The following NPHP1 variants were observed in gnomAD, a reference collection of about 807,000 sequenced individuals.
NPHP1 encodes the protein nephrocystin-1.
NPHP1 carries 70 observed loss-of-function variants against 90.4 expected under a neutral mutation model. The ratio of observed to expected loss-of-function variants is 0.77; its 90% CI spans 0.64 to 0.95. The LOEUF is 0.95. Among genes scored for constraint, NPHP1 ranks in the 40% least tolerant of loss-of-function variants. The pLI is 0.00. For synonymous variants in NPHP1, 256 were observed against 271.7 expected (o/e 0.94, Z 0.57); for missense variants, 764 against 795.9 (o/e 0.96, Z 0.48).
chr2:110,151,391 G>C (rs1188512554), intron 11 of NPHP1, among the ~76,000 whole-genome samples: 1 of 151,972 alleles, frequency 6.6e-6, no homozygotes, highest in East Asian at 1.9e-4. Context: ...AACACAAAGG[G>C]ATTTATGGAA....
rs770930106 is a variant in NPHP1 at position 110,169,850 on chromosome 2, C to T, written c.478G>A (p.Val160Ile). 1.2e-6 allele frequency: 2 copies of T among 1,613,754 alleles called. No homozygotes were observed. The highest frequency in any genetic ancestry group is 1.1e-5 in the South Asian group (1 of 91,064). ...KWSTGEEYIA[V>I]GDFTAQQVGD... ...ACTTGCTGAGCAGTAAAATCTCCAA[C>T]AGCGATGTATTCTTCACCGGTTGAC... The change falls in exon 5 of 20, where the codon GTT (valine) becomes ATT (isoleucine). Residue 160 changes from valine to isoleucine, a missense_variant. Physicochemically the swap from Val to Ile is conservative, Grantham distance 29. Transcript: ENST00000445609.
chr2:110,129,843 A>G (rs1262788716), intron 17 of NPHP1, among the ~76,000 whole-genome samples: 1 of 152,204 alleles, frequency 6.6e-6, no homozygotes, highest in Non-Finnish European at 1.5e-5. Context: ...ATAACAGCAC[A>G]TGAAAAATCT....
chr2:110,205,006 G>C lies in NPHP1; in HGVS notation c.-38C>G. On this transcript the variant is annotated 5_prime_UTR_variant, in exon 1 of 20. Transcript: ENST00000445609. ...GGTGCTCTGATTGCTCCAGTTGCCAGGGAAACCAACCGGCGGCGCCAGAAG... is the reference window on the plus strand; with the variant it reads ...GGTGCTCTGATTGCTCCAGTTGCCACGGAAACCAACCGGCGGCGCCAGAAG... The C allele has an allele frequency of 6.2e-7, 1 of 1,610,728 alleles. No homozygotes were observed. The highest frequency in any genetic ancestry group is 8.5e-7 in the Non-Finnish European group (1 of 1,177,592).
Position 110,125,658 on chromosome 2 carries a change from GCTTTCTTTTCCAGCC to G in NPHP1, c.1725_1739del (p.Trp575_Ser580delinsCys), listed in dbSNP as rs1160118893. On this transcript the variant is annotated inframe_deletion, in exon 19 of 20. Coordinates refer to ENST00000445609, the MANE Select transcript of NPHP1 (RefSeq NM_001128178.3). ...TTACCTTCTCTGATCTTTTTAATGT[GCTTTCTTTTCCAGCC>G]CACGAACTCTAAAGAGCAAACAGAA... 1 of 1,613,288 alleles carries G rather than the reference GCTTTCTTTTCCAGCC, an allele frequency of 6.2e-7. No individual in the cohort carries two copies. The highest frequency in any genetic ancestry group is 8.5e-7 in the Non-Finnish European group (1 of 1,179,466).
chr2:110,185,071 G>T (rs1003133049), intron 2 of NPHP1: 2 of 596,456 alleles, frequency 3.4e-6, no homozygotes, highest in Non-Finnish European at 6.6e-6. Context: ...TGTATTCCAC[G>T]TGGATTGAGG....
intron 1 of NPHP1, among the ~76,000 whole-genome samples, chr2:110,203,762 T>A (rs563247227): frequency 6.6e-6 from 1 of 152,180 alleles, no homozygotes; most frequent in South Asian, 2.1e-4. Flanking sequence ...TGCTATTTAC[T>A]TTTTTCTTAT....
intron 2 of NPHP1, among the ~76,000 whole-genome samples, chr2:110,193,751 T>C (rs1313849429): frequency 6.6e-6 from 1 of 152,072 alleles, no homozygotes; most frequent in African/African-American, 2.4e-5. Flanking sequence ...GACCACATAG[T>C]TGGAAGTAAA....
intron 19 of NPHP1, chr2:110,125,186 C>A: frequency 6.5e-7 from 1 of 1,530,946 alleles, no homozygotes; most frequent in South Asian, 1.2e-5. Context: ...AACCACGACT[C>A]ACCGATTAAA....
At chr2:110,188,782 T>C (rs1055420447) in intron 2 of NPHP1, among the ~76,000 whole-genome samples, 1 of 152,162 alleles carries the variant, frequency 6.6e-6, no homozygotes, top group Non-Finnish European at 1.5e-5. Flanking sequence ...AGCATGGTAC[T>C]GGTAAAAGAA....
chr2:110,144,129 A>G (rs1207114464), intron 15 of NPHP1: 3 of 327,980 alleles, frequency 9.1e-6, no homozygotes, highest in Non-Finnish European at 1.7e-5. Flanking sequence ...ATAGTAAAAG[A>G]TGCTCAATAT....
chr2:110,179,414 C>A (rs1263458940), intron 3 of NPHP1, among the ~76,000 whole-genome samples: 2 of 152,164 alleles, frequency 1.3e-5, no homozygotes, highest in Non-Finnish European at 2.9e-5. Flanking sequence ...TTCATCAAAG[C>A]TGAACATTTT....
Position 110,123,825 on chromosome 2 carries a change from T to G in NPHP1, c.2000A>C (p.Asp667Ala). The change falls in exon 20 of 20, where the codon GAC becomes GCC. Residue 667 changes from aspartate (D) to alanine (A), a missense_variant. Physicochemically the swap from Asp to Ala is moderately radical, Grantham distance 126 (BLOSUM62 -2). Transcript: ENST00000445609. ...ATTCTTTCTCATTTCACCCAAGAAGTCATAGGTCTGCTCTGAAAGGTCAAA... is the reference window on the plus strand; with the variant it reads ...ATTCTTTCTCATTTCACCCAAGAAGGCATAGGTCTGCTCTGAAAGGTCAAA... The part of the protein sequence containing the change: ...EPFDLSEQTY[D>A]FLGEMRKNAV 1 of 1,614,058 alleles carries G rather than the reference T, an allele frequency of 6.2e-7. No individual in the cohort carries two copies. The highest frequency in any genetic ancestry group is 8.5e-7 in the Non-Finnish European group (1 of 1,179,974).
chr2:110,149,023 A>T (rs1681269450), intron 12 of NPHP1, among the ~76,000 whole-genome samples: 1 of 152,122 alleles, frequency 6.6e-6, no homozygotes, highest in Non-Finnish European at 1.5e-5. Flanking sequence ...AGCCATTACA[A>T]TCTGCCTGAG....
intron 2 of NPHP1, among the ~76,000 whole-genome samples, chr2:110,189,057 C>A (rs898039157): frequency 2.0e-5 from 3 of 152,084 alleles, no homozygotes; most frequent in African/African-American, 7.2e-5. Flanking sequence ...AGAAGAAAAT[C>A]CAAGCAATAG....
intron 17 of NPHP1, 125 bp from the exon 18 acceptor site, chr2:110,129,384 A>G: frequency 1.3e-6 from 1 of 780,346 alleles, no homozygotes; most frequent in South Asian, 1.5e-5. Flanking sequence ...CACATTCTAC[A>G]CACTTTGACT....
chr2:110,188,181 G>T (rs1439806588), intron 2 of NPHP1, among the ~76,000 whole-genome samples: 1 of 152,134 alleles, frequency 6.6e-6, no homozygotes, highest in Non-Finnish European at 1.5e-5. Flanking sequence ...TCAGGCAAGA[G>T]AAAGAAATAA....
chr2:110,184,788 A>C (rs1684165748), intron 2 of NPHP1: 1 of 709,222 alleles, frequency 1.4e-6, no homozygotes, highest in African/African-American at 1.7e-5. Context: ...GAGACAGAGA[A>C]GGCTCAGTAC....
rs1681701010 is a variant in NPHP1, at chr2:110,154,034, T to C, written c.1084-3778A>G. Among the ~76,000 whole-genome samples the C allele has an allele frequency of 1.3e-5, 2 of 151,950 alleles. 1 individual carries two copies. The highest frequency in any genetic ancestry group is 1.3e-4 in the Admixed American group (2 of 15,260). ...ACACAGGAAGTGATAGGTTTCACTG[T>C]ATCCCCACCCAAATCTCATCTTGAA... On this transcript the variant is annotated intron_variant, in intron 11 of 19. Coordinates refer to ENST00000445609, the MANE Select transcript of NPHP1 (RefSeq NM_001128178.3).
At chr2:110,165,784 GA>G (rs1204258033) in intron 6 of NPHP1, among the ~76,000 whole-genome samples, 1 of 151,554 alleles carries the variant, frequency 6.6e-6, no homozygotes, top group Admixed American at 6.6e-5. Flanking sequence ...AAATCCCTTA[GA>G]AAAAAATATC....
Sources: gnomAD v4.1 joint callset for allele counts (sites outside exome capture counted in the v4.1 genomes callset) on GRCh38, gnomAD v4.1.1 for gene constraint, MANE v1.5 for transcripts, NCBI Gene and HGNC (gene_info 2026-07-23, HGNC 2026-07-21) for gene names.